Variants in RNLS observed in about 807,000 individuals in gnomAD.
RNLS encodes the protein renalase, FAD dependent amine oxidase.
Under a neutral mutation model 39.8 loss-of-function variants are expected in RNLS, and 39 were observed. The observed-to-expected ratio is 0.98, with a 90% CI of 0.76 to 1.28. RNLS has a LOEUF of 1.28. Ranked by LOEUF, RNLS falls within the 50% of genes most tolerant of loss-of-function variation. RNLS has a pLI of 0.00. For missense variants in RNLS, 410 were observed against 413.3 expected, an observed-to-expected ratio of 0.99 and a Z score of 0.07; for synonymous variants, 147 against 150.7, an observed-to-expected ratio of 0.98 and a Z score of 0.18.
At position 88,404,337 on chromosome 10, in the gene RNLS, T is replaced by C. The variant is rs1229940116; in HGVS notation, c.527-41612A>G. Among the ~76,000 whole-genome samples the C allele has an allele frequency of 2.0e-5, 3 of 152,122 alleles. No individual in the cohort carries two copies. The East Asian group carries it at 5.8e-4, about 29-fold the overall frequency. On this transcript the variant is annotated intron_variant, in intron 4 of 6. Transcript: ENST00000331772. Reference sequence around the variant, plus strand: ...TCTTTGTGACCTGGGACAAATTGTTTAATCATTCTAAGCCTGTTTCATCAT... The same window carrying C: ...TCTTTGTGACCTGGGACAAATTGTTCAATCATTCTAAGCCTGTTTCATCAT...
chr10:88,471,310 C>G (rs142981517), intron 4 of RNLS, among the ~76,000 whole-genome samples: 1 of 152,132 alleles, frequency 6.6e-6, no homozygotes, highest in African/African-American at 2.4e-5. Context: ...CTAATTGCAG[C>G]CTTGGGTGTG....
intron 4 of RNLS, among the ~76,000 whole-genome samples, chr10:88,380,360 T>A (rs1851351541): frequency 7.7e-6 from 1 of 129,774 alleles, no homozygotes; most frequent in Non-Finnish European, 1.6e-5. Flanking sequence ...TGGGGTTTTG[T>A]ATCTTTTTTT....
the RNLS span, among the ~76,000 whole-genome samples, chr10:88,254,653 G>T: frequency 6.6e-6 from 1 of 152,136 alleles, no homozygotes; most frequent in East Asian, 1.9e-4. Context: ...CTAATTATAA[G>T]AATAATAATA....
chr10:88,242,197 C>T, the RNLS span, among the ~76,000 whole-genome samples: 19 of 152,318 alleles, frequency 1.2e-4, no homozygotes, highest in Non-Finnish European at 2.5e-4. Flanking sequence ...CATCCAACCC[C>T]TCCAACTAAG....
chr10:88,176,687 C>T, the RNLS span, among the ~76,000 whole-genome samples: 1 of 152,076 alleles, frequency 6.6e-6, no homozygotes, highest in Non-Finnish European at 1.5e-5. Context: ...TCTGCTCTAC[C>T]AGTGAATTTT....
chr10:88,207,809 G>T, the RNLS span, among the ~76,000 whole-genome samples: 2 of 152,164 alleles, frequency 1.3e-5, no homozygotes, highest in Non-Finnish European at 2.9e-5. Context: ...AGTCCATTCA[G>T]ACTGCCTAGA....
chr10:88,324,437 A>C (rs1846426687), intron 5 of RNLS, among the ~76,000 whole-genome samples: 1 of 151,854 alleles, frequency 6.6e-6, no homozygotes, highest in Non-Finnish European at 1.5e-5. Context: ...CAAAAAAAAA[A>C]AAAAAACTAA....
intron 5 of RNLS, chr10:88,343,879 C>T (rs1002115550): frequency 3.0e-5 from 28 of 948,332 alleles, no homozygotes; most frequent in Non-Finnish European, 3.4e-5. Context: ...GAGGATTTGT[C>T]CTAACTCACA....
chr10:88,420,384 T>C (rs910426161), intron 4 of RNLS, among the ~76,000 whole-genome samples: 4 of 152,126 alleles, frequency 2.6e-5, no homozygotes, highest in Admixed American at 6.5e-5. Context: ...TTATCACAAA[T>C]TTGATGGCCT....
intron 4 of RNLS, among the ~76,000 whole-genome samples, chr10:88,406,398 C>T (rs1346062243): frequency 6.6e-6 from 1 of 152,064 alleles, no homozygotes; most frequent in East Asian, 1.9e-4. Context: ...ACCCAGACTT[C>T]TCAGAGGCTT....
chr10:88,306,514 A>G (rs11202706), intron 6 of RNLS, among the ~76,000 whole-genome samples: 22,609 of 152,262 alleles, frequency 0.15, 1,818 homozygotes, highest in East Asian at 0.34. Flanking sequence ...CTGACCCTAC[A>G]GAAATACAAA....
intron 4 of RNLS, among the ~76,000 whole-genome samples, chr10:88,370,724 C>A (rs1564739765): frequency 6.6e-6 from 1 of 152,168 alleles, no homozygotes. Flanking sequence ...CCTCTTGACT[C>A]AAAGTGGCTG....
the RNLS span, among the ~76,000 whole-genome samples, chr10:88,172,464 T>C: frequency 7.8e-3 from 1,185 of 152,294 alleles, 11 homozygotes; most frequent in African/African-American, 0.027. Context: ...TTGTTGGCAA[T>C]TTGTATATTT....
At chr10:88,237,269 CTTT>C in the RNLS span, among the ~76,000 whole-genome samples, 1 of 99,292 alleles carries the variant, frequency 1.0e-5, no homozygotes, top group East Asian at 3.6e-4. Flanking sequence ...CTTTCTTCTT[CTTT>C]TTCTTTCATC....
chr10:88,438,300 T>C (rs1841526134), intron 4 of RNLS, among the ~76,000 whole-genome samples: 2 of 152,152 alleles, frequency 1.3e-5, no homozygotes, highest in Admixed American at 6.6e-5. Context: ...AGAAAGAACC[T>C]GGAGCATGGT....
At chr10:88,309,807 G>A (rs958018320) in intron 6 of RNLS, among the ~76,000 whole-genome samples, 2 of 152,174 alleles carry the variant, frequency 1.3e-5, no homozygotes, top group African/African-American at 4.8e-5. Flanking sequence ...TTCGTTAAGA[G>A]GGCCATGCAA....
chr10:88,294,148 T>C (rs900904907), intron 6 of RNLS, among the ~76,000 whole-genome samples: 2 of 152,202 alleles, frequency 1.3e-5, no homozygotes, highest in African/African-American at 4.8e-5. Context: ...GCGGTTCATA[T>C]TGATTCTCTG....
chr10:88,277,155 G>A (rs7094781), intron 6 of RNLS, among the ~76,000 whole-genome samples: 28,929 of 152,108 alleles, frequency 0.19, 2,898 homozygotes, highest in South Asian at 0.26. Flanking sequence ...CATAAAAAAG[G>A]GTAAGTTCAT....
At chr10:88,537,100 C>G (rs1394646221) in intron 4 of RNLS, among the ~76,000 whole-genome samples, 1 of 152,090 alleles carries the variant, frequency 6.6e-6, no homozygotes, top group East Asian at 1.9e-4. Flanking sequence ...TTCTAGAGAT[C>G]TTGGAAGGCA....
Sources: allele counts gnomAD v4.1 joint callset (sites outside exome capture counted in the v4.1 genomes callset), GRCh38; gene constraint gnomAD v4.1.1; transcripts MANE v1.5; gene names NCBI Gene and HGNC (gene_info 2026-07-23, HGNC 2026-07-21).